Variants in LASP1 observed in about 807,000 individuals in gnomAD.
LASP1 encodes LIM and SH3 domain protein 1.
In LASP1, 10 loss-of-function variants were observed where a neutral mutation model predicts 38.6. The ratio of observed to expected loss-of-function variants is 0.26; its 90% CI spans 0.16 to 0.44. The LOEUF (loss-of-function observed/expected upper bound fraction) is 0.44. Among genes scored for constraint, LASP1 ranks in the 20% least tolerant of loss-of-function variants. The pLI is 1.00. For synonymous variants in LASP1, 132 were observed against 140.8 expected, an observed-to-expected ratio of 0.94 and a Z score of 0.44; for missense variants, 243 against 375.7, an observed-to-expected ratio of 0.65 and a Z score of 2.92.
chr17:38,906,002 G>C (rs1193850023), intron 4 of LASP1, among the ~76,000 whole-genome samples: 1 of 152,154 alleles, frequency 6.6e-6, no homozygotes, highest in Non-Finnish European at 1.5e-5. Flanking sequence ...TGAGGCTGCA[G>C]TGAGCCATGA....
chr17:38,917,408 TC>T (rs999071766), intron 6 of LASP1, among the ~76,000 whole-genome samples: 7 of 152,088 alleles, frequency 4.6e-5, no homozygotes, highest in African/African-American at 1.7e-4. Flanking sequence ...CTTTTTTTTT[TC>T]CTCTTTCTTT....
At chr17:38,908,195 C>CG (rs1037809678) in intron 4 of LASP1, among the ~76,000 whole-genome samples, 10 of 152,232 alleles carry the variant, frequency 6.6e-5, no homozygotes, top group South Asian at 4.1e-4. Context: ...CTGGCACCTT[C>CG]GGGGCCCAGG....
intron 3 of LASP1, among the ~76,000 whole-genome samples, chr17:38,895,474 C>T (rs1598112765): frequency 6.6e-6 from 1 of 151,972 alleles, no homozygotes; most frequent in South Asian, 2.1e-4. Context: ...CCACCACGCC[C>T]GGCTAACTTT....
chr17:38,910,793 G>C (rs912531133), intron 4 of LASP1, among the ~76,000 whole-genome samples: 1 of 145,048 alleles, frequency 6.9e-6, no homozygotes, highest in Non-Finnish European at 1.5e-5. Context: ...CGTGATCTTG[G>C]CTCACTGCGA....
chr17:38,918,806 C>T lies in LASP1; in HGVS notation c.*28C>T. 1 of 1,610,868 alleles carries T rather than the reference C, an allele frequency of 6.2e-7. No individual in the cohort carries two copies. The highest frequency in any genetic ancestry group is 8.5e-7 in the Non-Finnish European group (1 of 1,178,774). On this transcript the variant is annotated 3_prime_UTR_variant, in exon 7 of 7. Transcript: ENST00000318008. This position sits in a 1 kb window ranked among gnomAD's most constrained non-coding sequence, Gnocchi z 4.4. Reference sequence around the variant, plus strand: ...CCGCAGCGCCCCCATCTGTCTTCAGCACATTCCACGGCATCGCATCCGTCC... The same window carrying T: ...CCGCAGCGCCCCCATCTGTCTTCAGTACATTCCACGGCATCGCATCCGTCC...
intron 3 of LASP1, among the ~76,000 whole-genome samples, chr17:38,890,935 G>T (rs1159459342): frequency 1.3e-5 from 2 of 152,204 alleles, no homozygotes; most frequent in Non-Finnish European, 2.9e-5. Context: ...GAAGGGCAAG[G>T]TGTGAAGGGG....
Position 38,918,054 on chromosome 17 carries a change from C to T in LASP1, c.613-551C>T, listed in dbSNP as rs1027365341. On this transcript the variant is annotated intron_variant, in intron 6 of 6. Coordinates refer to ENST00000318008, the MANE Select transcript of LASP1 (RefSeq NM_006148.4). This position sits in a 1 kb window ranked among gnomAD's most constrained non-coding sequence, Gnocchi z 4.4. ...ACTTGGGAGGCTGAGGCAGGAGAAT[C>T]GCTTGAACCCGGGAGGCGGATGTTG... is the stretch of plus-strand genomic sequence containing the variant. Among the ~76,000 whole-genome samples, 5 of 151,176 alleles carry T rather than the reference C, an allele frequency of 3.3e-5. No homozygotes were observed. The highest frequency in any genetic ancestry group is 1.2e-4 in the African/African-American group (5 of 41,044).
At chr17:38,872,464 A>G (rs190338327) in intron 1 of LASP1, among the ~76,000 whole-genome samples, 7 of 152,248 alleles carry the variant, frequency 4.6e-5, no homozygotes, top group African/African-American at 1.7e-4. Context: ...AACTCTCCCT[A>G]TAGGAAGTGG....
At position 38,919,268 on chromosome 17, in the gene LASP1, G is replaced by A. The variant is rs1383163927; in HGVS notation, c.*490G>A. The A allele has an allele frequency of 8.3e-6, 2 of 242,334 alleles. No homozygotes were observed. The highest frequency in any genetic ancestry group is 8.1e-6 in the Non-Finnish European group (1 of 122,960). The allele number at this position is 242,334 out of a possible 1,614,324, so 15.0% of individuals were successfully genotyped here. ...CGCTGTGTAGGGACCAGTGGGATGG[G>A]CTCTACCTCTCTTTCTCAAAGAGGG... is the stretch of plus-strand genomic sequence containing the variant. On this transcript the variant is annotated 3_prime_UTR_variant, in exon 7 of 7. Coordinates refer to ENST00000318008, the MANE Select transcript of LASP1 (RefSeq NM_006148.4).
intron 1 of LASP1, among the ~76,000 whole-genome samples, chr17:38,875,552 C>A (rs761300033): frequency 6.6e-6 from 1 of 152,168 alleles, no homozygotes; most frequent in Admixed American, 6.5e-5. Flanking sequence ...TGCTTCCAGA[C>A]TTCCGGCTGG....
rs140980750 is a variant in LASP1, at chr17:38,891,994, C to T, written c.249+1490C>T. ...GTCGTAGCTACTTGGGAGTTTGAGG[C>T]GGGAGTATCACTTGAGCTGAGGAGT... On this transcript the variant is annotated intron_variant, in intron 3 of 6. Coordinates refer to ENST00000318008, the MANE Select transcript of LASP1 (RefSeq NM_006148.4). Among the ~76,000 whole-genome samples the T allele has an allele frequency of 2.1e-3, 315 of 151,444 alleles. 6 individuals carry two copies. The East Asian group carries it at 0.04, about 19-fold the overall frequency.
intron 3 of LASP1, among the ~76,000 whole-genome samples, chr17:38,893,324 G>A (rs750047991): frequency 2.6e-5 from 4 of 152,342 alleles, no homozygotes. Flanking sequence ...CCCCACCCAA[G>A]GGACTTCTGC....
chr17:38,901,826 C>T (rs112935177), intron 4 of LASP1, among the ~76,000 whole-genome samples: 15 of 151,876 alleles, frequency 9.9e-5, no homozygotes, highest in Admixed American at 2.6e-4. Flanking sequence ...AGTGCAGTGG[C>T]GCAATCTCGG....
At chr17:38,916,238 G>C (rs1234384442) in intron 6 of LASP1, 1 of 152,364 alleles carries the variant, frequency 6.6e-6, no homozygotes, top group Admixed American at 6.5e-5. Flanking sequence ...AAAGACAGCA[G>C]GGTGAGGGAT....
At chr17:38,897,959 C>CTA (rs1381690966) in intron 3 of LASP1, among the ~76,000 whole-genome samples, 1 of 152,224 alleles carries the variant, frequency 6.6e-6, no homozygotes, top group African/African-American at 2.4e-5. Context: ...AACCTTTTTC[C>CTA]TATAAGCTTC....
intron 4 of LASP1, among the ~76,000 whole-genome samples, chr17:38,910,674 C>T (rs1914912156): frequency 6.6e-6 from 1 of 151,176 alleles, no homozygotes; most frequent in African/African-American, 2.4e-5. Context: ...TGGAAGGCCC[C>T]AGAACCCGCA....
At chr17:38,900,327 C>A (rs1332722884) in intron 4 of LASP1, among the ~76,000 whole-genome samples, 1 of 150,376 alleles carries the variant, frequency 6.6e-6, no homozygotes, top group African/African-American at 2.5e-5. Context: ...TTATAGTGAG[C>A]CGTAATTGCA....
intron 2 of LASP1, among the ~76,000 whole-genome samples, chr17:38,879,088 G>T (rs991421316): frequency 6.6e-6 from 1 of 151,850 alleles, no homozygotes; most frequent in African/African-American, 2.4e-5. Context: ...CTCCACCTGC[G>T]AGGTGGAGGC....
intron 5 of LASP1, among the ~76,000 whole-genome samples, chr17:38,914,788 C>T (rs1039701275): frequency 3.3e-5 from 5 of 152,082 alleles, no homozygotes; most frequent in South Asian, 2.1e-4. Flanking sequence ...AGAATGAGGA[C>T]GTGAGCACCA....
Sources: gnomAD v4.1 joint callset for allele counts (sites outside exome capture counted in the v4.1 genomes callset) on GRCh38, gnomAD v4.1.1 for gene constraint, Gnocchi (gnomAD v3.1) non-coding constraint, MANE v1.5 for transcripts, NCBI Gene and HGNC (gene_info 2026-07-23, HGNC 2026-07-21) for gene names.